Variants in NEIL3 observed in about 807,000 individuals in gnomAD.
The protein encoded by NEIL3 is nei like DNA glycosylase 3.
NEIL3 carries 48 observed loss-of-function variants against 57.5 expected under a neutral mutation model. That is an observed-to-expected ratio of 0.83 (90% CI 0.66 to 1.06). NEIL3 has a LOEUF of 1.06. Ranked by LOEUF, NEIL3 falls within the 50% of genes least tolerant of loss-of-function variation. NEIL3 has a pLI of 0.00. For synonymous variants in NEIL3, 261 were observed against 253.2 expected, an observed-to-expected ratio of 1.03 and a Z score of -0.29; for missense variants, 717 against 739.1, an observed-to-expected ratio of 0.97 and a Z score of 0.35.
chr4:177,319,205 C>A (rs1359770692), intron 1 of NEIL3, among the ~76,000 whole-genome samples: 1 of 152,168 alleles, frequency 6.6e-6, no homozygotes, highest in African/African-American at 2.4e-5. Flanking sequence ...AAGGTTACTT[C>A]TCTGTCTCTT....
At chr4:177,326,691 A>G (rs886784395) in intron 2 of NEIL3, among the ~76,000 whole-genome samples, 20 of 152,142 alleles carry the variant, frequency 1.3e-4, no homozygotes, top group Non-Finnish European at 1.5e-5. Context: ...TGAACACAGT[A>G]TATATTAATA....
intron 4 of NEIL3, among the ~76,000 whole-genome samples, chr4:177,338,311 A>C (rs535424914): frequency 6.6e-6 from 1 of 152,290 alleles, no homozygotes; most frequent in Admixed American, 6.5e-5. Context: ...GTTTATATGC[A>C]GCTTCCCTCA....
chr4:177,319,783 G>GGT (rs752714514), intron 1 of NEIL3, among the ~76,000 whole-genome samples: 43 of 151,858 alleles, frequency 2.8e-4, no homozygotes, highest in Non-Finnish European at 4.1e-4. Flanking sequence ...GAGAGAGAAG[G>GGT]GTGTGTGTGT....
chr4:177,315,066 CTCA>C (rs1734548820), intron 1 of NEIL3, among the ~76,000 whole-genome samples: 2 of 79,266 alleles, frequency 2.5e-5, no homozygotes, highest in African/African-American at 1.2e-4. Context: ...GAGACTCCGT[CTCA>C]AAAAAAAAAA....
chr4:177,313,398 G>C (rs963892004), intron 1 of NEIL3, among the ~76,000 whole-genome samples: 1 of 152,162 alleles, frequency 6.6e-6, no homozygotes, highest in African/African-American at 2.4e-5. Flanking sequence ...GAAGATCCCA[G>C]CATCTGCTAG....
At chr4:177,316,063 C>A (rs754432352) in intron 1 of NEIL3, among the ~76,000 whole-genome samples, 2 of 152,074 alleles carry the variant, frequency 1.3e-5, no homozygotes, top group Non-Finnish European at 2.9e-5. Context: ...TACATACAAC[C>A]TATGTTAGTT....
downstream of NEIL3, among the ~76,000 whole-genome samples, chr4:177,366,348 T>C (rs1735692523): frequency 6.6e-6 from 1 of 152,222 alleles, no homozygotes; most frequent in South Asian, 2.1e-4. Context: ...GTTAATGATG[T>C]ATTTTAATTA....
chr4:177,343,681 C>T (rs1735146000), intron 6 of NEIL3: 1 of 152,098 alleles, frequency 6.6e-6, no homozygotes, highest in African/African-American at 2.4e-5. Context: ...TATCTTCTTC[C>T]ACTCAGCCGC....
Position 177,335,838 on chromosome 4 carries a change from TA to T in NEIL3, c.413+20del. The T allele has an allele frequency of 1.3e-6, 2 of 1,521,698 alleles. No individual in the cohort carries two copies. Among genetic ancestry groups the T allele is most frequent in the South Asian group, 1.3e-5 (1 of 74,546 alleles). 94.3% of individuals were successfully genotyped at this position (1,521,698 alleles called of 1,614,324 possible). On this transcript the variant is annotated intron_variant, in intron 3 of 9. Coordinates refer to ENST00000264596, the MANE Select transcript of NEIL3 (RefSeq NM_018248.3). The stretch of plus-strand genomic sequence containing the variant: ...TAGAACTCAGGTAAAAAAAATTAAA[TA>T]AAAGTACTTACGCTGCAATACTGCA...
intron 2 of NEIL3, among the ~76,000 whole-genome samples, chr4:177,330,093 G>C (rs1734853537): frequency 6.6e-6 from 1 of 152,126 alleles, no homozygotes; most frequent in South Asian, 2.1e-4. Flanking sequence ...TATATTTTTA[G>C]TGGAGACGGC....
chr4:177,365,828 C>A (rs113516569), downstream of NEIL3, among the ~76,000 whole-genome samples: 10 of 152,256 alleles, frequency 6.6e-5, no homozygotes, highest in African/African-American at 2.4e-4. Context: ...TTTCCATGAA[C>A]CTATCGATGA....
chr4:177,310,065 C>A lies in NEIL3; in HGVS notation c.112C>A (p.Arg38Ser). Residue 38 changes from arginine to serine, a missense_variant, in exon 1 of 10, where the codon CGC (arginine) becomes AGC (serine). By Grantham distance (110) the Arg-to-Ser change is moderately radical (BLOSUM62 -1). Coordinates refer to ENST00000264596, the MANE Select transcript of NEIL3 (RefSeq NM_018248.3). Reference protein sequence around the residue: ...RGSALRSLQGRALRLAASTVV... With the variant: ...RGSALRSLQGSALRLAASTVV... The stretch of plus-strand genomic sequence containing the variant: ...AAGCGCTCTGCGGAGTCTGCAGGGC[C>A]GCGCCTTGCGGCTCGCAGCCTCCAC... The A allele has an allele frequency of 6.3e-7, 1 of 1,599,734 alleles. No individual in the cohort carries two copies. Among genetic ancestry groups the A allele is most frequent in the Admixed American group, 1.7e-5 (1 of 58,168 alleles).
At chr4:177,335,374 A>T (rs200337838) in intron 2 of NEIL3, among the ~76,000 whole-genome samples, 22 of 152,180 alleles carry the variant, frequency 1.4e-4, no homozygotes, top group African/African-American at 5.1e-4. Context: ...TGAATAAAAG[A>T]TACTTCATCT....
At chr4:177,351,649 A>C in intron 7 of NEIL3, 100 bp downstream of exon 7, 1 of 943,148 alleles carries the variant, frequency 1.1e-6, no homozygotes, top group Non-Finnish European at 1.6e-6. Context: ...TCCATAACTA[A>C]ATAAAATTTC....
the NEIL3 span, among the ~76,000 whole-genome samples, chr4:177,369,215 A>G: frequency 6.6e-6 from 1 of 152,188 alleles, no homozygotes. Context: ...GGAGAGCTTC[A>G]GGAAAGAGGT....
At chr4:177,314,878 C>T (rs1275908951) in intron 1 of NEIL3, among the ~76,000 whole-genome samples, 1 of 151,864 alleles carries the variant, frequency 6.6e-6, no homozygotes, top group African/African-American at 2.4e-5. Flanking sequence ...GAGATTGAGA[C>T]CATTCTGGCT....
chr4:177,325,476 TTTTTAA>T (rs1374035893), intron 2 of NEIL3, among the ~76,000 whole-genome samples: 4 of 152,114 alleles, frequency 2.6e-5, no homozygotes, highest in Non-Finnish European at 5.9e-5. Flanking sequence ...TTGTTTCAAG[TTTTTAA>T]TATTGTGAAT....
intron 2 of NEIL3, among the ~76,000 whole-genome samples, chr4:177,333,032 TA>T (rs59505172): frequency 0.062 from 9,432 of 151,890 alleles, 425 homozygotes; most frequent in East Asian, 0.27. Flanking sequence ...TCCTATTTTT[TA>T]TTTTTAGCAT....
intron 6 of NEIL3, among the ~76,000 whole-genome samples, chr4:177,345,231 C>T (rs1735190180): frequency 6.6e-6 from 1 of 152,124 alleles, no homozygotes; most frequent in Non-Finnish European, 1.5e-5. Flanking sequence ...AGTCTTTGAG[C>T]TTAGTATAGA....
Sources: gnomAD v4.1 joint callset for allele counts (sites outside exome capture counted in the v4.1 genomes callset) on GRCh38, gnomAD v4.1.1 for gene constraint, MANE v1.5 for transcripts, NCBI Gene and HGNC (gene_info 2026-07-23, HGNC 2026-07-21) for gene names.